CACNB4: variants seen among roughly 807,000 people sequenced by gnomAD.
CACNB4 encodes the protein voltage-dependent L-type calcium channel subunit beta-4.
A neutral mutation model predicts 71.2 loss-of-function variants in CACNB4; 32 were observed. The observed-to-expected ratio is 0.45, with a 90% CI of 0.34 to 0.60. The LOEUF is 0.60. Among genes scored for constraint, CACNB4 ranks in the 20% least tolerant of loss-of-function variants. CACNB4 has a pLI of 0.01. For synonymous variants in CACNB4, 231 were observed against 236.9 expected, an observed-to-expected ratio of 0.97 and a Z score of 0.23; for missense variants, 464 against 647.9, an observed-to-expected ratio of 0.72 and a Z score of 3.08.
rs1199789455 is a variant in CACNB4, at chr2:151,870,175, C to T, written c.699+356G>A. On this transcript the variant is annotated intron_variant, in intron 8 of 13. Coordinates refer to ENST00000539935, the MANE Select transcript of CACNB4 (RefSeq NM_000726.5). ...GTTTGCTGGAAGATTGATTGTTTGTCCTCTTGTGCTGTTCATTCTCTATTA... is the reference window on the plus strand; with the variant it reads ...GTTTGCTGGAAGATTGATTGTTTGTTCTCTTGTGCTGTTCATTCTCTATTA... 9 of 652,740 alleles carry T rather than the reference C, an allele frequency of 1.4e-5. No homozygotes were observed. The Middle Eastern group carries it at 2.0e-3, about 142-fold the overall frequency. 40.4% of individuals were successfully genotyped at this position (652,740 alleles called of 1,614,324 possible). A position where few individuals can be genotyped will look rare whatever the true frequency, so the allele number is the denominator to read the frequency against.
chr2:152,054,120 C>A (rs1207074580), intron 2 of CACNB4, among the ~76,000 whole-genome samples: 1 of 152,056 alleles, frequency 6.6e-6, no homozygotes, highest in Non-Finnish European at 1.5e-5. Flanking sequence ...GTAATCCCAG[C>A]ACTTTGGGAG....
At chr2:151,914,539 G>C (rs897534015) in intron 2 of CACNB4, among the ~76,000 whole-genome samples, 2 of 152,194 alleles carry the variant, frequency 1.3e-5, no homozygotes, top group Admixed American at 1.3e-4. Flanking sequence ...TCATTTGGAA[G>C]AGAAGAGGCA....
intron 9 of CACNB4, among the ~76,000 whole-genome samples, chr2:151,862,588 C>G (rs983083212): frequency 6.6e-6 from 1 of 152,188 alleles, no homozygotes. Context: ...CTTCACTATC[C>G]TCAGTGCCAG....
intron 2 of CACNB4, among the ~76,000 whole-genome samples, chr2:151,937,006 A>G (rs1454236259): frequency 6.6e-6 from 1 of 152,248 alleles, no homozygotes; most frequent in African/African-American, 2.4e-5. Flanking sequence ...GTCTCACTGA[A>G]TAAGTTTTCT....
At chr2:151,993,607 C>T (rs1681847086) in intron 2 of CACNB4, among the ~76,000 whole-genome samples, 1 of 149,214 alleles carries the variant, frequency 6.7e-6, no homozygotes, top group African/African-American at 2.5e-5. Flanking sequence ...CTCTATCGCC[C>T]AGGCTGGAGT....
chr2:151,936,302 G>A (rs2099862904), intron 2 of CACNB4: 1 of 152,210 alleles, frequency 6.6e-6, no homozygotes. Flanking sequence ...ATTACACAGA[G>A]AACTGTGACT....
In CACNB4 at chr2:152,065,400, AAG is replaced by A. The variant is rs1253833092; in HGVS notation, c.147+32928_147+32929del. Among the ~76,000 whole-genome samples the A allele has an allele frequency of 4.6e-5, 7 of 151,336 alleles. No homozygotes were observed. In the East Asian group the frequency reaches 1.4e-3, roughly 29 times the overall value. On this transcript the variant is annotated intron_variant, in intron 2 of 13. Transcript: ENST00000539935. ...TCCATCTCAAAAGAAAAAAAAAAAAAAGAGAGAGAGAGAAGTTACATGCTTTT... is the reference window on the plus strand; with the variant it reads ...TCCATCTCAAAAGAAAAAAAAAAAAAAGAGAGAGAGAAGTTACATGCTTTT...
intron 2 of CACNB4, among the ~76,000 whole-genome samples, chr2:152,096,907 A>G (rs1688301080): frequency 6.6e-6 from 1 of 152,250 alleles, no homozygotes; most frequent in South Asian, 2.1e-4. Flanking sequence ...AGTATTTCCA[A>G]GAATTTGCAA....
intron 2 of CACNB4, among the ~76,000 whole-genome samples, chr2:151,983,159 C>A (rs1368517656): frequency 6.6e-6 from 1 of 152,184 alleles, no homozygotes; most frequent in Non-Finnish European, 1.5e-5. Flanking sequence ...AACACATACA[C>A]AGATAAATTG....
rs2099834722 is a variant in CACNB4 at position 151,835,537 on chromosome 2, A to G, written c.*3582T>C. On this transcript the variant is annotated 3_prime_UTR_variant, in exon 14 of 14. Coordinates refer to ENST00000539935, the MANE Select transcript of CACNB4 (RefSeq NM_000726.5). ...ATGGTATTACATTTTTTAAGCAAAT[A>G]CCAAAATAAAACTGTGTAACTAAGA... 6.6e-6 allele frequency: 1 copy of G among 151,900 alleles called. No homozygotes were observed. The highest frequency in any genetic ancestry group is 1.5e-5 in the Non-Finnish European group (1 of 67,802). 9.4% of individuals were successfully genotyped at this position (151,900 alleles called of 1,614,324 possible). A position where few individuals can be genotyped will look rare whatever the true frequency, so the allele number is the denominator to read the frequency against.
intron 2 of CACNB4, among the ~76,000 whole-genome samples, chr2:151,994,436 C>A (rs536121848): frequency 4.1e-4 from 63 of 152,040 alleles, no homozygotes; most frequent in African/African-American, 1.4e-3. Context: ...AAACTCCTGG[C>A]CTCAAGTGAT....
chr2:151,865,319 CT>C (rs1340637256), intron 9 of CACNB4, among the ~76,000 whole-genome samples: 1 of 152,076 alleles, frequency 6.6e-6, no homozygotes, highest in African/African-American at 2.4e-5. Flanking sequence ...TTCTCAAGCC[CT>C]TTTTTTCCCT....
chr2:151,878,134 TG>T (rs1486049769), intron 4 of CACNB4, among the ~76,000 whole-genome samples: 1 of 152,150 alleles, frequency 6.6e-6, no homozygotes, highest in African/African-American at 2.4e-5. Flanking sequence ...TTTTTCAAAA[TG>T]TAACAATGAT....
chr2:151,993,246 T>C (rs1163427641), intron 2 of CACNB4, among the ~76,000 whole-genome samples: 2 of 152,038 alleles, frequency 1.3e-5, no homozygotes, highest in South Asian at 2.1e-4. Flanking sequence ...ACTAACTATA[T>C]CTAGAAACAC....
Position 151,883,351 on chromosome 2 carries a change from G to A in CACNB4, c.167C>T (p.Thr56Ile). The A allele has an allele frequency of 1.2e-6, 2 of 1,613,834 alleles. No homozygotes were observed. Among genetic ancestry groups the A allele is most frequent in the South Asian group, 1.1e-5 (1 of 91,068 alleles). The change falls in exon 3 of 14, where the codon ACA becomes ATA. Residue 56 changes from threonine to isoleucine, a missense_variant. By Grantham distance (89) the Thr-to-Ile change is moderately conservative. Coordinates refer to ENST00000539935, the MANE Select transcript of CACNB4 (RefSeq NM_000726.5). ...ILRQGSADSY[T>I]SRPSDSDVSL... ...GACATCGGAGTCAGACGGCCTGCTT[G>A]TGTAGGAATCCGCTGAACCCTGGCA...
chr2:151,841,980 G>A lies in CACNB4; in HGVS notation c.1225C>T (p.Pro409Ser). Residue 409 changes from proline (P) to serine (S), a missense_variant, in exon 13 of 14, where the codon CCC becomes TCC. Physicochemically the swap from Pro to Ser is moderately conservative, Grantham distance 74. Transcript: ENST00000539935. ...TTCCTTCCCAGCAGCGGGGTCATGG[G>A]TGTGCTACTGGTTGTGTGGGTGGCA... ...WRATHTTSST[P>S]MTPLLGRNLG... 2 of 1,613,912 alleles carry A rather than the reference G, an allele frequency of 1.2e-6. No individual in the cohort carries two copies. Among genetic ancestry groups the A allele is most frequent in the Non-Finnish European group, 1.7e-6 (2 of 1,179,850 alleles).
chr2:151,921,393 T>C (rs1033084803), intron 2 of CACNB4, among the ~76,000 whole-genome samples: 2 of 152,150 alleles, frequency 1.3e-5, no homozygotes, highest in African/African-American at 4.8e-5. Flanking sequence ...CACTGACCTT[T>C]CTTCATCTAA....
intron 2 of CACNB4, among the ~76,000 whole-genome samples, chr2:151,900,435 T>C (rs1465555882): frequency 6.6e-6 from 1 of 152,190 alleles, no homozygotes. Context: ...AGAGAAAACG[T>C]TGCGAAGGCA....
At chr2:151,860,576 T>C in intron 10 of CACNB4, 135 bp downstream of exon 10, 1 of 691,746 alleles carries the variant, frequency 1.4e-6, no homozygotes, top group Non-Finnish European at 2.6e-6. Context: ...TGTCCATAGC[T>C]AGCATTCTTT....
Sources: gnomAD v4.1 joint callset for allele counts (sites outside exome capture counted in the v4.1 genomes callset) on GRCh38, gnomAD v4.1.1 for gene constraint, MANE v1.5 for transcripts, NCBI Gene and HGNC (gene_info 2026-07-23, HGNC 2026-07-21) for gene names.